ASTN2: variants seen among roughly 807,000 people sequenced by gnomAD.
ASTN2 encodes astrotactin 2.
In ASTN2, 54 loss-of-function variants were observed where a neutral mutation model predicts 139.8. That is an observed-to-expected ratio of 0.39 (90% confidence interval 0.31 to 0.48). ASTN2 has a LOEUF of 0.48. ASTN2 is among the 20% of genes least tolerant of loss of function. ASTN2 has a pLI of 0.95. For synonymous variants in ASTN2, 756 were observed against 719.5 expected (o/e 1.05, Z -0.81); for missense variants, 1,565 against 1,725.1 (o/e 0.91, Z 1.64).
chr9:116,869,215 C>T (rs1245161324), intron 10 of ASTN2, among the ~76,000 whole-genome samples: 1 of 152,002 alleles, frequency 6.6e-6, no homozygotes, highest in African/African-American at 2.4e-5. Flanking sequence ...AAAATGACAG[C>T]ATTAGTTGGG....
At chr9:116,461,773 C>A (rs1485960593) in intron 20 of ASTN2, among the ~76,000 whole-genome samples, 1 of 152,108 alleles carries the variant, frequency 6.6e-6, no homozygotes, top group Non-Finnish European at 1.5e-5. Flanking sequence ...GTAGGTATGT[C>A]CAGTGAGTGA....
chr9:117,294,001 G>C (rs1311655122), intron 1 of ASTN2, among the ~76,000 whole-genome samples: 2 of 152,212 alleles, frequency 1.3e-5, no homozygotes, highest in African/African-American at 2.4e-5. Context: ...AGCGAGCAGA[G>C]GGATGCTTGT....
chr9:117,026,506 A>G (rs1838088918), intron 6 of ASTN2, among the ~76,000 whole-genome samples: 1 of 152,154 alleles, frequency 6.6e-6, no homozygotes, highest in Non-Finnish European at 1.5e-5. Context: ...ATGCCACATC[A>G]TCTTTGACTC....
At chr9:116,713,789 C>T (rs764780064) in intron 16 of ASTN2, among the ~76,000 whole-genome samples, 16 of 152,032 alleles carry the variant, frequency 1.1e-4, no homozygotes, top group Non-Finnish European at 2.1e-4. Context: ...ATAAAGATAC[C>T]AATTTTAGGA....
At chr9:116,519,022 T>C (rs1480574838) in intron 19 of ASTN2, among the ~76,000 whole-genome samples, 1 of 152,020 alleles carries the variant, frequency 6.6e-6, no homozygotes, top group Non-Finnish European at 1.5e-5. Context: ...CTACTAGACC[T>C]AAGAAATGAG....
chr9:116,826,568 C>T (rs917045272), intron 11 of ASTN2, among the ~76,000 whole-genome samples: 2 of 152,154 alleles, frequency 1.3e-5, no homozygotes, highest in Admixed American at 6.6e-5. Flanking sequence ...AAGACCAACA[C>T]GGGTTGCTTG....
chr9:117,052,448 A>AAAAAG (rs1554773426), intron 5 of ASTN2, among the ~76,000 whole-genome samples: 2 of 151,718 alleles, frequency 1.3e-5, no homozygotes, highest in African/African-American at 4.8e-5. Context: ...AAAAAAAAAA[A>AAAAAG]AAAGAAAGAA....
At chr9:117,175,470 G>A (rs961100617) in intron 3 of ASTN2, among the ~76,000 whole-genome samples, 1 of 152,074 alleles carries the variant, frequency 6.6e-6, no homozygotes, top group Admixed American at 6.6e-5. Flanking sequence ...AGTAATGAGA[G>A]AAAAATAGCT....
intron 13 of ASTN2, among the ~76,000 whole-genome samples, chr9:116,795,122 A>T (rs1053530460): frequency 6.6e-6 from 1 of 152,070 alleles, no homozygotes; most frequent in Non-Finnish European, 1.5e-5. Flanking sequence ...GATTACAGGC[A>T]CCTGTCACCA....
intron 13 of ASTN2, among the ~76,000 whole-genome samples, chr9:116,761,862 A>G (rs912558164): frequency 3.9e-5 from 6 of 152,166 alleles, no homozygotes; most frequent in Admixed American, 3.3e-4. Flanking sequence ...AATGAATTGG[A>G]GTGAATTCAG....
intron 1 of ASTN2, among the ~76,000 whole-genome samples, chr9:117,383,531 C>T (rs1285250326): frequency 1.3e-5 from 2 of 151,526 alleles, no homozygotes; most frequent in East Asian, 1.9e-4. Flanking sequence ...AACTGTAACA[C>T]TTGTGGGGGC....
intron 14 of ASTN2, among the ~76,000 whole-genome samples, chr9:116,732,944 C>G (rs370828063): frequency 6.6e-6 from 1 of 152,166 alleles, no homozygotes; most frequent in Non-Finnish European, 1.5e-5. Flanking sequence ...TGCCCACGTA[C>G]AAAAACGAGC....
chr9:116,432,506 C>G (rs1056488456), intron 22 of ASTN2, among the ~76,000 whole-genome samples: 5 of 152,204 alleles, frequency 3.3e-5, no homozygotes, highest in Admixed American at 2.0e-4. Flanking sequence ...CCTTCAAAAT[C>G]TATTGTTCAG....
At chr9:117,348,291 A>C (rs1829285691) in intron 1 of ASTN2, among the ~76,000 whole-genome samples, 1 of 152,216 alleles carries the variant, frequency 6.6e-6, no homozygotes, top group African/African-American at 2.4e-5. Context: ...ACAACTGAGA[A>C]CATAAACAAA....
At chr9:116,619,672 T>C (rs1013046098) in intron 18 of ASTN2, among the ~76,000 whole-genome samples, 1 of 147,544 alleles carries the variant, frequency 6.8e-6, no homozygotes, top group Non-Finnish European at 1.5e-5. Flanking sequence ...TACAGGCATG[T>C]GCCACCACAC....
At chr9:116,687,380 A>T in intron 16 of ASTN2, 58 of 174,602 alleles carry the variant, frequency 3.3e-4, no homozygotes, top group Non-Finnish European at 5.4e-4. Context: ...GCGGGCGGTC[A>T]GGTAGGGGGC....
chr9:116,463,364 T>C (rs565551891), intron 20 of ASTN2, among the ~76,000 whole-genome samples: 2 of 152,164 alleles, frequency 1.3e-5, no homozygotes, highest in Non-Finnish European at 2.9e-5. Flanking sequence ...TAAAAACTAT[T>C]CTCCCTAAGC....
At chr9:117,191,094 T>C (rs1831335861) in intron 3 of ASTN2, among the ~76,000 whole-genome samples, 1 of 152,038 alleles carries the variant, frequency 6.6e-6, no homozygotes, top group African/African-American at 2.4e-5. Context: ...TAAACATGTA[T>C]CAAGAACTTT....
intron 6 of ASTN2, among the ~76,000 whole-genome samples, chr9:117,037,515 C>T (rs189639687): frequency 6.6e-6 from 1 of 152,114 alleles, no homozygotes; most frequent in Non-Finnish European, 1.5e-5. Flanking sequence ...ACTTGGCTAT[C>T]GAAGAGGCAG....
Sources: allele counts gnomAD v4.1 joint callset (sites outside exome capture counted in the v4.1 genomes callset), GRCh38; gene constraint gnomAD v4.1.1; transcripts MANE v1.5; gene names NCBI Gene and HGNC (gene_info 2026-07-23, HGNC 2026-07-21).